MBNL2: variants seen among roughly 807,000 people sequenced by gnomAD.
MBNL2 encodes muscleblind like splicing regulator 2.
A neutral mutation model predicts 41.9 loss-of-function variants in MBNL2; 17 were observed. That is an observed-to-expected ratio of 0.41 (90% CI 0.28 to 0.61). The LOEUF is 0.61. Among genes scored for constraint, MBNL2 ranks in the 20% least tolerant of loss-of-function variants. MBNL2 has a pLI of 0.35. For missense variants in MBNL2, 336 were observed against 505.6 expected (o/e 0.66, Z 3.22); for synonymous variants, 195 against 182.9 (o/e 1.07, Z -0.53).
Position 97,393,827 on chromosome 13 carries a change from T to C in MBNL2, c.*2378T>C, listed in dbSNP as rs1416680159. ...ACAAAAATCACCAATATCCAAGACA[T>C]GAAGATATCAGTTCAACAAATACTG... On this transcript the variant is annotated 3_prime_UTR_variant, in exon 9 of 9. Coordinates refer to ENST00000679496, the MANE Select transcript of MBNL2 (RefSeq NM_001382683.1). 1.3e-5 allele frequency: 2 copies of C among 152,520 alleles called. No individual in the cohort carries two copies. The highest frequency in any genetic ancestry group is 2.9e-5 in the Non-Finnish European group (2 of 67,978). The allele number at this position is 152,520 out of a possible 1,614,324, so 9.4% of individuals were successfully genotyped here. A position where few individuals can be genotyped will look rare whatever the true frequency, so the allele number is the denominator to read the frequency against.
At chr13:97,370,626 G>A (rs554935650) in intron 8 of MBNL2, among the ~76,000 whole-genome samples, 5 of 149,968 alleles carry the variant, frequency 3.3e-5, no homozygotes, top group South Asian at 2.1e-4. Flanking sequence ...CTGAGATCGC[G>A]CAATTGTACT....
At chr13:97,262,863 A>G (rs1185377567) in intron 1 of MBNL2, among the ~76,000 whole-genome samples, 2 of 152,136 alleles carry the variant, frequency 1.3e-5, no homozygotes, top group African/African-American at 4.8e-5. Flanking sequence ...TCCTGGGTTC[A>G]AGCAATTCTC....
At chr13:97,211,675 C>A in the MBNL2 span, among the ~76,000 whole-genome samples, 43 of 152,292 alleles carry the variant, frequency 2.8e-4, no homozygotes, top group Admixed American at 2.5e-3. Flanking sequence ...TCTAATCCAG[C>A]TGGAAGGCAA....
chr13:97,152,379 C>T, the MBNL2 span, among the ~76,000 whole-genome samples: 1 of 151,848 alleles, frequency 6.6e-6, no homozygotes, highest in African/African-American at 2.4e-5. Flanking sequence ...GAAAAAAAAT[C>T]CAAGAAATAC....
chr13:97,319,610 G>T (rs1369393589), intron 2 of MBNL2, among the ~76,000 whole-genome samples: 1 of 152,122 alleles, frequency 6.6e-6, no homozygotes, highest in Non-Finnish European at 1.5e-5. Context: ...TTAATTGCTG[G>T]CCACATTCAC....
rs181838499 is a variant in MBNL2 at position 97,312,855 on chromosome 13, A to C, written c.175-21421A>C. Among the ~76,000 whole-genome samples, 14 of 152,340 alleles carry C rather than the reference A, an allele frequency of 9.2e-5. No homozygotes were observed. In the East Asian group the frequency reaches 2.7e-3, roughly 29 times the overall value. On this transcript the variant is annotated intron_variant, in intron 2 of 8. Coordinates refer to ENST00000679496, the MANE Select transcript of MBNL2 (RefSeq NM_001382683.1). ...ACAAAAATTACTGTGAATTCAATTA[A>C]AAATTATATGTCTGAATCTGCATTT...
At chr13:97,169,428 TTCTA>T in the MBNL2 span, among the ~76,000 whole-genome samples, 14 of 152,288 alleles carry the variant, frequency 9.2e-5, no homozygotes, top group African/African-American at 3.1e-4. Context: ...ATGGTTTAAT[TTCTA>T]TCTATCAGTT....
chr13:97,199,319 C>T, the MBNL2 span, among the ~76,000 whole-genome samples: 17 of 152,222 alleles, frequency 1.1e-4, no homozygotes, highest in African/African-American at 4.1e-4. Context: ...TCTATCTTAG[C>T]CTTATTTTTT....
chr13:97,274,422 A>C (rs1260803835), intron 1 of MBNL2, among the ~76,000 whole-genome samples: 2 of 152,148 alleles, frequency 1.3e-5, no homozygotes, highest in African/African-American at 4.8e-5. Flanking sequence ...GCTTGAACCC[A>C]GGAGGCAGAG....
the MBNL2 span, among the ~76,000 whole-genome samples, chr13:97,212,835 A>C: frequency 6.6e-6 from 1 of 152,188 alleles, no homozygotes. Flanking sequence ...GAGGAAAGAG[A>C]TGAGTAACAC....
At chr13:97,166,830 A>AGATAGATG in the MBNL2 span, among the ~76,000 whole-genome samples, 2 of 150,952 alleles carry the variant, frequency 1.3e-5, no homozygotes, top group Non-Finnish European at 2.9e-5. Flanking sequence ...ATAGATAGAT[A>AGATAGATG]GATAGATAGA....
At chr13:97,164,686 T>A in the MBNL2 span, among the ~76,000 whole-genome samples, 1 of 152,164 alleles carries the variant, frequency 6.6e-6, no homozygotes, top group Non-Finnish European at 1.5e-5. Context: ...GAGCCAAATT[T>A]ATACAAATTT....
rs1236143474 is a variant in MBNL2 at position 97,393,055 on chromosome 13, C to A, written c.*1606C>A. The A allele has an allele frequency of 1.3e-5, 2 of 152,546 alleles. No homozygotes were observed. The highest frequency in any genetic ancestry group is 4.8e-5 in the African/African-American group (2 of 41,566). 9.4% of individuals were successfully genotyped at this position (152,546 alleles called of 1,614,324 possible). A position where few individuals can be genotyped will look rare whatever the true frequency, so the allele number is the denominator to read the frequency against. On this transcript the variant is annotated 3_prime_UTR_variant, in exon 9 of 9. Coordinates refer to ENST00000679496, the MANE Select transcript of MBNL2 (RefSeq NM_001382683.1). The stretch of plus-strand genomic sequence containing the variant: ...TATCTATTTATCTTATATCGTAGAT[C>A]TGATAACCCTATCTAAAAGAAAGTC...
chr13:97,274,669 A>C (rs539409341), intron 1 of MBNL2, among the ~76,000 whole-genome samples: 3 of 152,310 alleles, frequency 2.0e-5, no homozygotes, highest in African/African-American at 7.2e-5. Flanking sequence ...GGCATATCCT[A>C]TTTATGAAAA....
At chr13:97,335,851 A>G (rs1486477582) in intron 3 of MBNL2, among the ~76,000 whole-genome samples, 1 of 152,236 alleles carries the variant, frequency 6.6e-6, no homozygotes, top group African/African-American at 2.4e-5. Flanking sequence ...TAAACTACAC[A>G]CATGTATAAT....
chr13:97,284,125 G>A (rs184454665), intron 2 of MBNL2, among the ~76,000 whole-genome samples: 53 of 152,308 alleles, frequency 3.5e-4, no homozygotes, highest in African/African-American at 1.2e-3. Flanking sequence ...ACCACAAACC[G>A]TGTGGTTTAA....
chr13:97,188,063 T>C, the MBNL2 span, among the ~76,000 whole-genome samples: 8 of 152,192 alleles, frequency 5.3e-5, no homozygotes, highest in African/African-American at 4.8e-5. Context: ...AAGGCTGTTT[T>C]AGGTTTCAGA....
intron 7 of MBNL2, 137 bp from the exon 8 acceptor site, chr13:97,364,999 T>C: frequency 4.0e-6 from 3 of 753,224 alleles, no homozygotes; most frequent in South Asian, 1.4e-5. Context: ...ACAATGTGAA[T>C]GGCCCTAAAA....
intron 8 of MBNL2, among the ~76,000 whole-genome samples, chr13:97,370,798 T>C (rs1252924173): frequency 6.6e-6 from 1 of 152,148 alleles, no homozygotes; most frequent in Admixed American, 6.5e-5. Context: ...AAGTTAGTCC[T>C]TTGTCTTAGG....
Sources: allele counts gnomAD v4.1 joint callset (sites outside exome capture counted in the v4.1 genomes callset), GRCh38; gene constraint gnomAD v4.1.1; transcripts MANE v1.5; gene names NCBI Gene and HGNC (gene_info 2026-07-23, HGNC 2026-07-21).